The following ILRUN variants were observed in gnomAD, a reference collection of about 807,000 sequenced individuals.
ILRUN encodes protein ILRUN.
ILRUN carries 3 observed loss-of-function variants against 33.8 expected under a neutral mutation model. The observed-to-expected ratio is 0.09, with a 90% CI of 0.04 to 0.23. The LOEUF (loss-of-function observed/expected upper bound fraction) is 0.23. Ranked by LOEUF, ILRUN falls within the 10% of genes least tolerant of loss-of-function variation. The pLI is 1.00. For missense variants in ILRUN, 210 were observed against 375.1 expected, an observed-to-expected ratio of 0.56 and a Z score of 3.64; for synonymous variants, 124 against 138.9, an observed-to-expected ratio of 0.89 and a Z score of 0.75.
chr6:34,593,881 C>T (rs1403287725), intron 4 of ILRUN, among the ~76,000 whole-genome samples: 1 of 152,068 alleles, frequency 6.6e-6, no homozygotes, highest in Non-Finnish European at 1.5e-5. Context: ...AAAAGCCTGG[C>T]AGAGATTCCA....
At chr6:34,677,387 T>A (rs895837402) in intron 1 of ILRUN, among the ~76,000 whole-genome samples, 3 of 151,802 alleles carry the variant, frequency 2.0e-5, no homozygotes, top group Admixed American at 6.6e-5. Context: ...AAACAATAAA[T>A]GACTGATGAA....
intron 1 of ILRUN, among the ~76,000 whole-genome samples, chr6:34,677,096 C>A (rs1049208236): frequency 6.6e-6 from 1 of 151,892 alleles, no homozygotes; most frequent in Non-Finnish European, 1.5e-5. Flanking sequence ...TACCTGAGGT[C>A]AGGAGTTCAA....
intron 4 of ILRUN, 83 bp downstream of exon 4, chr6:34,606,472 C>T (rs1473394093): frequency 1.8e-6 from 2 of 1,135,764 alleles, no homozygotes; most frequent in Admixed American, 4.6e-5. Flanking sequence ...GAGCGGCAGT[C>T]TAGGATTCTA....
At chr6:34,662,179 G>A (rs1400307967) in intron 1 of ILRUN, among the ~76,000 whole-genome samples, 7 of 134,800 alleles carry the variant, frequency 5.2e-5, no homozygotes, top group African/African-American at 2.0e-4. Flanking sequence ...GGTGGCAGGC[G>A]CCTGTAGTCC....
chr6:34,671,292 G>T (rs1253309716), intron 1 of ILRUN, among the ~76,000 whole-genome samples: 1 of 152,150 alleles, frequency 6.6e-6, no homozygotes, highest in Non-Finnish European at 1.5e-5. Context: ...AGGCTGACGC[G>T]GGGGTATCAA....
intron 4 of ILRUN, among the ~76,000 whole-genome samples, chr6:34,598,685 G>T (rs1761450618): frequency 6.6e-6 from 1 of 152,148 alleles, no homozygotes; most frequent in East Asian, 1.9e-4. Flanking sequence ...AGCTACTGAG[G>T]TACAAAAAGG....
At chr6:34,645,415 T>C (rs182029864) in intron 3 of ILRUN, among the ~76,000 whole-genome samples, 34 of 152,240 alleles carry the variant, frequency 2.2e-4, no homozygotes, top group African/African-American at 8.2e-4. Flanking sequence ...CACTCTGTAA[T>C]TCAGACTGGA....
intron 1 of ILRUN, chr6:34,696,188 G>T: frequency 2.3e-6 from 1 of 440,078 alleles, no homozygotes; most frequent in Non-Finnish European, 4.1e-6. Flanking sequence ...CCTAATCCTC[G>T]AAAAACCTTA....
At chr6:34,662,820 T>C (rs1762916803) in intron 1 of ILRUN, among the ~76,000 whole-genome samples, 2 of 152,244 alleles carry the variant, frequency 1.3e-5, no homozygotes, top group Admixed American at 1.3e-4. Context: ...CTCACACCTG[T>C]AATCCCAGCA....
At chr6:34,644,695 A>G (rs1253513932) in intron 3 of ILRUN, among the ~76,000 whole-genome samples, 1 of 152,210 alleles carries the variant, frequency 6.6e-6, no homozygotes, top group Non-Finnish European at 1.5e-5. Context: ...GTTAAATATA[A>G]TAACAAGCAT....
At chr6:34,624,513 T>C (rs528878164) in intron 3 of ILRUN, among the ~76,000 whole-genome samples, 1 of 151,862 alleles carries the variant, frequency 6.6e-6, no homozygotes, top group African/African-American at 2.4e-5. Flanking sequence ...GTTTTTTTTT[T>C]AGTAAAGATG....
intron 2 of ILRUN, among the ~76,000 whole-genome samples, chr6:34,652,634 GTTTA>G (rs1048648722): frequency 5.3e-5 from 8 of 152,084 alleles, no homozygotes; most frequent in African/African-American, 1.4e-4. Context: ...ACTTTTATAG[GTTTA>G]TTTGAGTCCT....
chr6:34,683,534 T>TATA (rs1562033474), intron 1 of ILRUN, among the ~76,000 whole-genome samples: 18 of 131,314 alleles, frequency 1.4e-4, no homozygotes, highest in African/African-American at 5.5e-4. Flanking sequence ...ATATACATAT[T>TATA]GCACAGAATA....
chr6:34,588,528 T>C lies in ILRUN; in HGVS notation c.*2037A>G, dbSNP rs1220396120. 1 of 285,304 alleles carries C rather than the reference T, an allele frequency of 3.5e-6. No homozygotes were observed. Among genetic ancestry groups the C allele is most frequent in the African/African-American group, 2.2e-5 (1 of 46,172 alleles). The allele number at this position is 285,304 out of a possible 1,614,324, so 17.7% of individuals were successfully genotyped here. A position where few individuals can be genotyped will look rare whatever the true frequency, so the allele number is the denominator to read the frequency against. ...GGGAGGCAGTGTCTCAGGAGACTGG[T>C]ACCAGCAGCAGCAGTCTGGGCCTAA... On this transcript the variant is annotated 3_prime_UTR_variant, in exon 5 of 5. Coordinates refer to ENST00000374023, the MANE Select transcript of ILRUN (RefSeq NM_024294.4).
At chr6:34,615,903 T>C (rs1262456893) in intron 3 of ILRUN, among the ~76,000 whole-genome samples, 2 of 152,208 alleles carry the variant, frequency 1.3e-5, no homozygotes, top group East Asian at 3.9e-4. Context: ...CACCATCATC[T>C]TGATGTGGAT....
At chr6:34,613,446 T>C (rs1761803396) in intron 3 of ILRUN, among the ~76,000 whole-genome samples, 1 of 152,174 alleles carries the variant, frequency 6.6e-6, no homozygotes, top group Admixed American at 6.5e-5. Context: ...AATCAGCATA[T>C]ACACATCTAC....
At position 34,656,425 on chromosome 6, in the gene ILRUN, A is replaced by C. The variant is rs151239198; in HGVS notation, c.159-1646T>G. Among the ~76,000 whole-genome samples the C allele has an allele frequency of 9.6e-3, 1,458 of 152,252 alleles. 15 individuals are homozygous for C. The highest frequency in any genetic ancestry group is 0.016 in the Non-Finnish European group (1,066 of 68,010). ...GCTTGGTTATCAGTGCCAGAAACCA[A>C]GGGCCACTAAAGGGTTTCAGTAAGC... is the stretch of plus-strand genomic sequence containing the variant. On this transcript the variant is annotated intron_variant, in intron 1 of 4. Coordinates refer to ENST00000374023, the MANE Select transcript of ILRUN (RefSeq NM_024294.4).
chr6:34,641,429 T>C (rs1762473955), intron 3 of ILRUN, among the ~76,000 whole-genome samples: 1 of 152,240 alleles, frequency 6.6e-6, no homozygotes, highest in African/African-American at 2.4e-5. Context: ...TACAGTACTT[T>C]ATAAAATGGA....
At chr6:34,621,262 A>G (rs1441801598) in intron 3 of ILRUN, among the ~76,000 whole-genome samples, 1 of 152,226 alleles carries the variant, frequency 6.6e-6, no homozygotes, top group Non-Finnish European at 1.5e-5. Context: ...CCTTTTTGGT[A>G]GAAATTAAAT....
Sources: gnomAD v4.1 joint callset for allele counts (sites outside exome capture counted in the v4.1 genomes callset) on GRCh38, gnomAD v4.1.1 for gene constraint, MANE v1.5 for transcripts, NCBI Gene and HGNC (gene_info 2026-07-23, HGNC 2026-07-21) for gene names.